RFFL: variants seen among roughly 807,000 people sequenced by gnomAD.
RFFL encodes the protein E3 ubiquitin-protein ligase rififylin.
RFFL carries 16 observed loss-of-function variants against 40.4 expected under a neutral mutation model. The observed-to-expected ratio is 0.40, with a 90% confidence interval of 0.27 to 0.60. RFFL has a LOEUF of 0.60. Among genes scored for constraint, RFFL ranks in the 20% least tolerant of loss-of-function variants. RFFL has a pLI of 0.47. For synonymous variants in RFFL, 154 were observed against 167.9 expected (o/e 0.92, Z 0.64); for missense variants, 367 against 451.7 (o/e 0.81, Z 1.70).
intron 1 of RFFL, among the ~76,000 whole-genome samples, chr17:35,033,331 C>T (rs1052204152): frequency 6.6e-6 from 1 of 151,556 alleles, no homozygotes; most frequent in Non-Finnish European, 1.5e-5. Context: ...GAGTTCGAGA[C>T]CAGCCTGGCC....
intron 1 of RFFL, among the ~76,000 whole-genome samples, chr17:35,078,267 T>C (rs2091387004): frequency 6.6e-6 from 1 of 152,256 alleles, no homozygotes; most frequent in African/African-American, 2.4e-5. Flanking sequence ...AAGGTCACGA[T>C]TTGTATGTAA....
At chr17:35,081,858 G>T (rs2091404446) in intron 1 of RFFL, among the ~76,000 whole-genome samples, 1 of 152,102 alleles carries the variant, frequency 6.6e-6, no homozygotes, top group Non-Finnish European at 1.5e-5. Context: ...ACACTAGTTA[G>T]ACATTTGCCA....
At chr17:35,018,480 C>T (rs2090988422) in intron 3 of RFFL, among the ~76,000 whole-genome samples, 2 of 152,180 alleles carry the variant, frequency 1.3e-5, no homozygotes, top group African/African-American at 2.4e-5. Flanking sequence ...AGATCCTCTT[C>T]GCCCACTGCT....
chr17:35,018,425 T>A (rs2090988064), intron 3 of RFFL, among the ~76,000 whole-genome samples: 1 of 152,212 alleles, frequency 6.6e-6, no homozygotes, highest in Admixed American at 6.5e-5. Context: ...GCAGAACTGT[T>A]AGCCTCCTAA....
chr17:35,074,692 C>T (rs1459522229), intron 1 of RFFL, among the ~76,000 whole-genome samples: 1 of 152,188 alleles, frequency 6.6e-6, no homozygotes, highest in Non-Finnish European at 1.5e-5. Flanking sequence ...AGCAAAGTCC[C>T]TGGCACCTGG....
intron 1 of RFFL, among the ~76,000 whole-genome samples, chr17:35,045,795 C>T (rs1213027559): frequency 6.6e-6 from 1 of 151,824 alleles, no homozygotes; most frequent in Admixed American, 6.6e-5. Context: ...AGGCTGAAGC[C>T]GGCGGATCAC....
In RFFL at chr17:35,026,546, G is replaced by A; in HGVS notation, c.8C>T (p.Ala3Val). ...CAGGCAGAACCAGTTGCAGCAGGTT[G>A]CCCACATGATAAAATCTGGTGCAAG... MWATCCNWFCLDG... is the reference protein window; with the variant it reads MWVTCCNWFCLDG... The change falls in exon 2 of 7, where the codon GCA becomes GTA. Residue 3 changes from alanine (A) to valine (V), a missense_variant. Ala to Val is a moderately conservative substitution (Grantham distance 64, BLOSUM62 0). Coordinates refer to ENST00000394597, the MANE Select transcript of RFFL (RefSeq NM_001017368.2). 2.5e-6 allele frequency: 4 copies of A among 1,612,606 alleles called. No individual in the cohort carries two copies. The highest frequency in any genetic ancestry group is 3.4e-6 in the Non-Finnish European group (4 of 1,179,502).
chr17:35,044,805 A>T (rs924729567), intron 1 of RFFL, among the ~76,000 whole-genome samples: 9 of 151,766 alleles, frequency 5.9e-5, no homozygotes, highest in African/African-American at 2.2e-4. Flanking sequence ...CACTGTTGCC[A>T]CCTCACCTCC....
chr17:35,026,254 C>T, intron 2 of RFFL, 120 bp downstream of exon 2: 1 of 981,530 alleles, frequency 1.0e-6, no homozygotes. Context: ...AAAGGGACAG[C>T]TCTGGGTCAC....
At chr17:35,029,752 A>G (rs1280445744) in intron 1 of RFFL, among the ~76,000 whole-genome samples, 1 of 151,372 alleles carries the variant, frequency 6.6e-6, no homozygotes, top group Non-Finnish European at 1.5e-5. Context: ...CAGGTTAGTT[A>G]CATATGTATA....
At chr17:35,062,116 T>C (rs1050493638) in intron 1 of RFFL, among the ~76,000 whole-genome samples, 9 of 151,528 alleles carry the variant, frequency 5.9e-5, no homozygotes, top group Non-Finnish European at 1.2e-4. Context: ...ATAAAAAGAA[T>C]GAACAAGGCC....
chr17:35,040,675 TCTCCCCTGCTC>T (rs80257729), intron 1 of RFFL, among the ~76,000 whole-genome samples: 13,669 of 151,664 alleles, frequency 0.09, 690 homozygotes, highest in South Asian at 0.14. Context: ...CCTACCTTCA[TCTCCCCTGCTC>T]CTGCTGGTGG....
intron 1 of RFFL, among the ~76,000 whole-genome samples, chr17:35,085,129 C>G (rs1199414387): frequency 6.6e-6 from 1 of 152,108 alleles, no homozygotes; most frequent in Non-Finnish European, 1.5e-5. Context: ...GACTCAGCAG[C>G]AAATCACCAG....
intron 1 of RFFL, among the ~76,000 whole-genome samples, chr17:35,059,825 C>A (rs1263440990): frequency 6.6e-6 from 1 of 152,070 alleles, no homozygotes; most frequent in Non-Finnish European, 1.5e-5. Context: ...AAATCTTTCC[C>A]CCCTTTTTAA....
intron 1 of RFFL, among the ~76,000 whole-genome samples, chr17:35,086,991 CCT>C: frequency 6.6e-6 from 1 of 152,168 alleles, no homozygotes; most frequent in Middle Eastern, 3.4e-3. Context: ...GAAATTGTGC[CCT>C]TTTTTGTTAT....
intron 5 of RFFL, among the ~76,000 whole-genome samples, chr17:35,015,543 G>A (rs9894307): frequency 0.025 from 3,818 of 152,156 alleles, 161 homozygotes; most frequent in African/African-American, 0.086. Context: ...GTCTGTAATC[G>A]GGTGAAGAGT....
At chr17:35,014,598 C>T in intron 6 of RFFL, 142 bp downstream of exon 6, 2 of 774,486 alleles carry the variant, frequency 2.6e-6, no homozygotes, top group Non-Finnish European at 4.5e-6. Context: ...GAGAGGCCCC[C>T]TGGGTCTCAG....
chr17:35,023,535 A>G (rs1445474155), intron 2 of RFFL, among the ~76,000 whole-genome samples: 1 of 152,256 alleles, frequency 6.6e-6, no homozygotes, highest in Non-Finnish European at 1.5e-5. Context: ...CCATGCAGGC[A>G]GAAAATGGAT....
intron 3 of RFFL, among the ~76,000 whole-genome samples, chr17:35,019,531 G>A (rs1234263961): frequency 1.3e-5 from 2 of 151,808 alleles, no homozygotes; most frequent in African/African-American, 2.4e-5. Context: ...CCACCACCAC[G>A]CCCAGCTAAT....
Sources: gnomAD v4.1 joint callset for allele counts (sites outside exome capture counted in the v4.1 genomes callset) on GRCh38, gnomAD v4.1.1 for gene constraint, MANE v1.5 for transcripts, NCBI Gene and HGNC (gene_info 2026-07-23, HGNC 2026-07-21) for gene names.